Variants in CMBL observed in about 807,000 individuals in gnomAD.
The protein encoded by CMBL is carboxymethylenebutenolidase homolog.
CMBL carries 17 observed loss-of-function variants against 28.7 expected under a neutral mutation model. The observed-to-expected ratio is 0.59, with a 90% CI of 0.41 to 0.89. The LOEUF (loss-of-function observed/expected upper bound fraction) is 0.89, where lower values mean the gene tolerates loss of function less well. Ranked by LOEUF, CMBL falls within the 40% of genes least tolerant of loss-of-function variation. The pLI, the probability that CMBL is intolerant of heterozygous loss-of-function variation, is 0.00. For synonymous variants in CMBL, 106 were observed against 101.6 expected (o/e 1.04, Z -0.26); for missense variants, 310 against 298.5 (o/e 1.04, Z -0.28).
chr5:10,281,637 TGG>T (rs1746498480), intron 5 of CMBL, among the ~76,000 whole-genome samples: 1 of 152,174 alleles, frequency 6.6e-6, no homozygotes, highest in African/African-American at 2.4e-5. Context: ...AGCATGGAGG[TGG>T]GGCAAGAGGT....
intron 1 of CMBL, among the ~76,000 whole-genome samples, chr5:10,297,117 G>A (rs980316268): frequency 2.1e-4 from 32 of 151,162 alleles, no homozygotes; most frequent in African/African-American, 6.6e-4. Flanking sequence ...CCTGGGAAGC[G>A]GAGGTTGCAG....
In CMBL at chr5:10,278,231, G is replaced by T. The variant is rs1746428721; in HGVS notation, c.*2222C>A. On this transcript the variant is annotated 3_prime_UTR_variant, in exon 6 of 6. Coordinates refer to ENST00000296658, the MANE Select transcript of CMBL (RefSeq NM_138809.4). ...TGAGCATCTATTTGAATGTAAGTTGGACTTTCTCATACTAGAAGCAGGGAT... is the reference window on the plus strand; with the variant it reads ...TGAGCATCTATTTGAATGTAAGTTGTACTTTCTCATACTAGAAGCAGGGAT... Among the ~76,000 whole-genome samples the T allele has an allele frequency of 6.6e-6, 1 of 152,184 alleles. No homozygotes were observed. Among genetic ancestry groups the T allele is most frequent in the African/African-American group, 2.4e-5 (1 of 41,440 alleles).
At position 10,280,272 on chromosome 5, in the gene CMBL, T is replaced by C; in HGVS notation, c.*181A>G. ...TTTTTAAATTATGATTCGATGTACA[T>C]GTCAAAAATTAAATTATTTCATGCA... On this transcript the variant is annotated 3_prime_UTR_variant, in exon 6 of 6. Coordinates refer to ENST00000296658, the MANE Select transcript of CMBL (RefSeq NM_138809.4). 1 of 503,462 alleles carries C rather than the reference T, an allele frequency of 2.0e-6. No individual in the cohort carries two copies. The highest frequency in any genetic ancestry group is 3.5e-6 in the Non-Finnish European group (1 of 286,950). The allele number at this position is 503,462 out of a possible 1,614,324, so 31.2% of individuals were successfully genotyped here. A position where few individuals can be genotyped will look rare whatever the true frequency, so the allele number is the denominator to read the frequency against.
chr5:10,285,826 G>T (rs1579471295), intron 4 of CMBL, among the ~76,000 whole-genome samples: 2 of 150,862 alleles, frequency 1.3e-5, no homozygotes, highest in East Asian at 2.0e-4. Context: ...AGCCTCCGGA[G>T]TAGCTAGGAC....
chr5:10,281,301 T>C (rs1326733021), intron 5 of CMBL, among the ~76,000 whole-genome samples: 1 of 152,176 alleles, frequency 6.6e-6, no homozygotes, highest in African/African-American at 2.4e-5. Flanking sequence ...CACTGCAGCC[T>C]CCAACTCCTG....
In CMBL at chr5:10,279,354, T is replaced by C. The variant is rs1342237586; in HGVS notation, c.*1099A>G. On this transcript the variant is annotated 3_prime_UTR_variant, in exon 6 of 6. Coordinates refer to ENST00000296658, the MANE Select transcript of CMBL (RefSeq NM_138809.4). ...CCTGTTTTGATCTCAATACTTCCCA[T>C]ATTGCAATATATAAATGTGACAAAT... 6.6e-6 allele frequency: 1 copy of C among 152,210 alleles called. No homozygotes were observed. Among genetic ancestry groups the C allele is most frequent in the Non-Finnish European group, 1.5e-5 (1 of 68,038 alleles). The allele number at this position is 152,210 out of a possible 1,614,324, so 9.4% of individuals were successfully genotyped here. A position where few individuals can be genotyped will look rare whatever the true frequency, so the allele number is the denominator to read the frequency against.
chr5:10,290,888 A>T (rs1746701628), intron 1 of CMBL, 107 bp from the exon 2 acceptor site: 9 of 798,360 alleles, frequency 1.1e-5, no homozygotes, highest in Non-Finnish European at 1.8e-5. Flanking sequence ...CATTTTAGCT[A>T]CATCTATGGT....
At chr5:10,293,432 G>A (rs1746759821) in intron 1 of CMBL, among the ~76,000 whole-genome samples, 1 of 152,132 alleles carries the variant, frequency 6.6e-6, no homozygotes, top group Non-Finnish European at 1.5e-5. Flanking sequence ...GCTCTCTGGG[G>A]TCTCCATTAT....
intron 1 of CMBL, among the ~76,000 whole-genome samples, chr5:10,296,686 G>C (rs60897398): frequency 0.2 from 29,894 of 152,132 alleles, 5,821 homozygotes; most frequent in African/African-American, 0.51. Context: ...TGAGGAATGA[G>C]CCTGAGAAGG....
At chr5:10,300,524 G>A (rs897216105) in intron 1 of CMBL, among the ~76,000 whole-genome samples, 13 of 152,210 alleles carry the variant, frequency 8.5e-5, no homozygotes, top group African/African-American at 3.1e-4. Context: ...CTCCAGACCC[G>A]CATGGTGGCT....
At chr5:10,292,860 A>G (rs866773215) in intron 1 of CMBL, among the ~76,000 whole-genome samples, 8 of 151,904 alleles carry the variant, frequency 5.3e-5, no homozygotes, top group Middle Eastern at 3.4e-3. Flanking sequence ...GGTTCCATCA[A>G]AAAAGAGGAA....
At chr5:10,304,845 A>G (rs1428901875) in intron 1 of CMBL, among the ~76,000 whole-genome samples, 1 of 152,118 alleles carries the variant, frequency 6.6e-6, no homozygotes, top group Admixed American at 6.6e-5. Context: ...TAGAATTTAC[A>G]GATCTATCAG....
At chr5:10,286,326 G>A in intron 4 of CMBL, 28 bp downstream of exon 4, 1 of 1,605,124 alleles carries the variant, frequency 6.2e-7, no homozygotes, top group Non-Finnish European at 8.5e-7. Context: ...CCTTCTGCAT[G>A]GAGTAAAAAT....
intron 1 of CMBL, among the ~76,000 whole-genome samples, chr5:10,303,872 A>G (rs544982479): frequency 6.6e-6 from 1 of 152,284 alleles, no homozygotes; most frequent in Admixed American, 6.5e-5. Flanking sequence ...GCCTGATAAC[A>G]AAACACCAAC....
rs1365605930 is a variant in CMBL at position 10,279,350 on chromosome 5, C to T, written c.*1103G>A. The T allele has an allele frequency of 1.3e-5, 2 of 152,164 alleles. No individual in the cohort carries two copies. The highest frequency in any genetic ancestry group is 2.9e-5 in the Non-Finnish European group (2 of 68,032). The allele number at this position is 152,164 out of a possible 1,614,324, so 9.4% of individuals were successfully genotyped here. ...GAATCCTGTTTTGATCTCAATACTT[C>T]CCATATTGCAATATATAAATGTGAC... On this transcript the variant is annotated 3_prime_UTR_variant, in exon 6 of 6. Transcript: ENST00000296658.
intron 1 of CMBL, among the ~76,000 whole-genome samples, chr5:10,297,519 A>C (rs1359676506): frequency 6.6e-6 from 1 of 150,672 alleles, no homozygotes; most frequent in African/African-American, 2.4e-5. Context: ...GAGTGAGCTG[A>C]GATCGCACCA....
At chr5:10,288,310 C>T in intron 3 of CMBL, 112 bp downstream of exon 3, 1 of 776,268 alleles carries the variant, frequency 1.3e-6, no homozygotes, top group Non-Finnish European at 2.2e-6. Context: ...TTCCATTGGC[C>T]ATGGAGAAGT....
chr5:10,284,058 G>T (rs1007534848), intron 4 of CMBL, among the ~76,000 whole-genome samples: 5 of 152,222 alleles, frequency 3.3e-5, no homozygotes, highest in African/African-American at 4.8e-5. Flanking sequence ...CACGGGAAAG[G>T]TGACCACGCT....
chr5:10,292,060 G>C (rs78360288), intron 1 of CMBL: 16 of 152,146 alleles, frequency 1.1e-4, no homozygotes, highest in South Asian at 2.1e-4. Context: ...GAAATGAGGC[G>C]GCGAAAGTGG....
Sources: gnomAD v4.1 joint callset for allele counts (sites outside exome capture counted in the v4.1 genomes callset) on GRCh38, gnomAD v4.1.1 for gene constraint, MANE v1.5 for transcripts, NCBI Gene and HGNC (gene_info 2026-07-23, HGNC 2026-07-21) for gene names.